The following CMC1 variants were observed in gnomAD, a reference collection of about 807,000 sequenced individuals.
CMC1 encodes COX assembly mitochondrial protein homolog.
In CMC1, 14 loss-of-function variants were observed where a neutral mutation model predicts 14.1. That is an observed-to-expected ratio of 0.99 (90% confidence interval 0.66 to 1.55). CMC1 has a LOEUF of 1.55. Among genes scored for constraint, CMC1 ranks in the 40% most tolerant of loss-of-function variants. CMC1 has a pLI of 0.00. For missense variants in CMC1, 127 were observed against 123.8 expected (o/e 1.03, Z -0.12); for synonymous variants, 50 against 38.4 (o/e 1.30, Z -1.12).
At position 28,298,802 on chromosome 3, in the gene CMC1, C is replaced by T. The variant is rs12630516; in HGVS notation, c.110-17531C>T. Reference sequence around the variant, plus strand: ...ATTTTATTCTTGGATTCACTAATTTCCCTGCTCAACAAAGATGGGTCAGTA... The same window carrying T: ...ATTTTATTCTTGGATTCACTAATTTTCCTGCTCAACAAAGATGGGTCAGTA... On this transcript the variant is annotated intron_variant, in intron 2 of 3. Coordinates refer to ENST00000466830, the MANE Select transcript of CMC1 (RefSeq NM_182523.2). 2.9e-4 allele frequency among the ~76,000 whole-genome samples: 44 copies of T among 152,104 alleles called. No individual in the cohort carries two copies. In the East Asian group the frequency reaches 7.0e-3, roughly 24 times the overall value.
intron 2 of CMC1, among the ~76,000 whole-genome samples, chr3:28,290,482 G>A (rs557672026): frequency 6.0e-4 from 91 of 152,220 alleles, no homozygotes; most frequent in Middle Eastern, 3.4e-3. Context: ...TCTGAGAGCA[G>A]CCTGATTTTC....
At position 28,322,514 on chromosome 3, in the gene CMC1, GATATA is replaced by G. The variant is rs1407132544; in HGVS notation, c.*2891_*2895del. On this transcript the variant is annotated 3_prime_UTR_variant, in exon 4 of 4. Coordinates refer to ENST00000466830, the MANE Select transcript of CMC1 (RefSeq NM_182523.2). ...AACCAGTAAGCTACATTAGAGATCA[GATATA>G]ATATACAGCCTATGCAGCCACATGA... is the stretch of plus-strand genomic sequence containing the variant. 1.3e-5 allele frequency: 2 copies of G among 151,636 alleles called. No homozygotes were observed. Among genetic ancestry groups the G allele is most frequent in the African/African-American group, 4.8e-5 (2 of 41,322 alleles). The allele number at this position is 151,636 out of a possible 1,614,324, so 9.4% of individuals were successfully genotyped here.
At chr3:28,294,030 G>A (rs770991840) in intron 2 of CMC1, among the ~76,000 whole-genome samples, 2 of 151,954 alleles carry the variant, frequency 1.3e-5, no homozygotes, top group Non-Finnish European at 1.5e-5. Flanking sequence ...TGCTATTTTC[G>A]AAGAACTCAT....
chr3:28,263,075 C>G (rs923548908), intron 1 of CMC1: 1 of 457,724 alleles, frequency 2.2e-6, no homozygotes, highest in African/African-American at 2.1e-5. Flanking sequence ...TTTTAAGAAA[C>G]ATGTTGCTTG....
chr3:28,277,479 T>G (rs1315668966), intron 2 of CMC1, among the ~76,000 whole-genome samples: 1 of 152,182 alleles, frequency 6.6e-6, no homozygotes, highest in East Asian at 1.9e-4. Context: ...ACAAAAATCT[T>G]GAAAGTTATG....
chr3:28,252,416 G>T (rs1699176579), intron 1 of CMC1, among the ~76,000 whole-genome samples: 1 of 152,190 alleles, frequency 6.6e-6, no homozygotes, highest in Non-Finnish European at 1.5e-5. Flanking sequence ...TACAAAATTA[G>T]ATTGTTAGTG....
At chr3:28,273,694 T>C (rs533899961) in intron 2 of CMC1, among the ~76,000 whole-genome samples, 53 of 152,262 alleles carry the variant, frequency 3.5e-4, no homozygotes, top group Admixed American at 3.3e-4. Context: ...GATATTAACA[T>C]TGGGGTGTTA....
intron 1 of CMC1, among the ~76,000 whole-genome samples, chr3:28,259,367 A>G (rs1208412641): frequency 2.0e-5 from 3 of 152,154 alleles, no homozygotes; most frequent in East Asian, 3.9e-4. Context: ...GTGCATAAAC[A>G]TATATGCTAT....
chr3:28,279,311 G>T (rs748578204), intron 2 of CMC1, among the ~76,000 whole-genome samples: 13 of 152,072 alleles, frequency 8.5e-5, no homozygotes, highest in Non-Finnish European at 1.6e-4. Context: ...GCGTGTGCAT[G>T]CATACTCAAA....
intron 2 of CMC1, among the ~76,000 whole-genome samples, chr3:28,295,508 A>G (rs1481675370): frequency 6.6e-6 from 1 of 152,096 alleles, no homozygotes; most frequent in Non-Finnish European, 1.5e-5. Context: ...GCCTACCTGG[A>G]TGACCCTACT....
intron 2 of CMC1, among the ~76,000 whole-genome samples, chr3:28,314,005 G>A (rs1702767634): frequency 1.3e-5 from 2 of 152,176 alleles, no homozygotes; most frequent in African/African-American, 4.8e-5. Flanking sequence ...TATAGGTATA[G>A]TAAGGTGACA....
At chr3:28,316,034 C>T (rs1439105989) in intron 2 of CMC1, 1 of 196,220 alleles carries the variant, frequency 5.1e-6, no homozygotes, top group Non-Finnish European at 1.0e-5. Flanking sequence ...TCTCCTTGCC[C>T]TTCATCTCAG....
intron 1 of CMC1, among the ~76,000 whole-genome samples, chr3:28,261,122 AAT>A (rs1294188452): frequency 6.6e-6 from 1 of 152,198 alleles, no homozygotes; most frequent in African/African-American, 2.4e-5. Context: ...AACGAACTTA[AAT>A]ATATGTTTTT....
intron 2 of CMC1, among the ~76,000 whole-genome samples, chr3:28,280,479 T>C (rs552528239): frequency 6.6e-6 from 1 of 152,310 alleles, no homozygotes; most frequent in African/African-American, 2.4e-5. Flanking sequence ...AGAAAACATA[T>C]GTAATGTATA....
chr3:28,282,350 G>C (rs1342759280), intron 2 of CMC1, among the ~76,000 whole-genome samples: 1 of 152,168 alleles, frequency 6.6e-6, no homozygotes, highest in Admixed American at 6.5e-5. Context: ...TTCAGAGTGA[G>C]GCTGTTTTAA....
chr3:28,267,784 T>A (rs1436254265), intron 2 of CMC1, among the ~76,000 whole-genome samples: 1 of 152,242 alleles, frequency 6.6e-6, no homozygotes, highest in African/African-American at 2.4e-5. Flanking sequence ...ATGCTTAGAA[T>A]GTTCTTTAGG....
chr3:28,304,474 G>T (rs1302100838), intron 2 of CMC1, among the ~76,000 whole-genome samples: 1 of 151,968 alleles, frequency 6.6e-6, no homozygotes, highest in African/African-American at 2.4e-5. Context: ...ATTTTTATCT[G>T]TTCTAATCCC....
chr3:28,310,521 G>A (rs911620138), intron 2 of CMC1, among the ~76,000 whole-genome samples: 23 of 152,178 alleles, frequency 1.5e-4, no homozygotes, highest in Admixed American at 1.5e-3. Flanking sequence ...ATTAGCTATT[G>A]TTGCTATCAT....
intron 1 of CMC1, chr3:28,253,646 G>C (rs963064983): frequency 1.3e-4 from 89 of 705,012 alleles, no homozygotes; most frequent in Admixed American, 3.7e-4. Flanking sequence ...AACAAACAAA[G>C]AAGAGGGATC....
Sources: gnomAD v4.1 joint callset for allele counts (sites outside exome capture counted in the v4.1 genomes callset) on GRCh38, gnomAD v4.1.1 for gene constraint, MANE v1.5 for transcripts, NCBI Gene and HGNC (gene_info 2026-07-23, HGNC 2026-07-21) for gene names.